The following UBE2L6 variants were observed in gnomAD, a reference collection of about 807,000 sequenced individuals.
UBE2L6 encodes the protein ubiquitin/ISG15-conjugating enzyme E2 L6.
Under a neutral mutation model 13.6 loss-of-function variants are expected in UBE2L6, and 11 were observed. The ratio of observed to expected loss-of-function variants is 0.81; its 90% CI spans 0.51 to 1.34. The LOEUF (loss-of-function observed/expected upper bound fraction) is 1.34, where lower values mean the gene tolerates loss of function less well. Ranked by LOEUF, UBE2L6 falls within the 40% of genes most tolerant of loss-of-function variation. The pLI is 0.00. For synonymous variants in UBE2L6, 74 were observed against 83.2 expected, an observed-to-expected ratio of 0.89 and a Z score of 0.60; for missense variants, 197 against 199.5, an observed-to-expected ratio of 0.99 and a Z score of 0.07.
intron 2 of UBE2L6, among the ~76,000 whole-genome samples, chr11:57,555,116 A>T (rs1361590742): frequency 6.6e-6 from 1 of 152,218 alleles, no homozygotes; most frequent in Non-Finnish European, 1.5e-5. Context: ...TTCTCAAAAG[A>T]TTAGACACAG....
chr11:57,564,849 T>C (rs998594455), intron 1 of UBE2L6, among the ~76,000 whole-genome samples: 1 of 151,956 alleles, frequency 6.6e-6, no homozygotes, highest in Non-Finnish European at 1.5e-5. Flanking sequence ...ACACTGTATT[T>C]ATGGTATATA....
chr11:57,554,348 G>A, intron 3 of UBE2L6, 89 bp downstream of exon 3: 1 of 1,471,198 alleles, frequency 6.8e-7, no homozygotes, highest in Non-Finnish European at 9.2e-7. Context: ...TCTCTTTGGG[G>A]CTTTTCAAGC....
chr11:57,562,071 G>A (rs1240676167), intron 1 of UBE2L6, among the ~76,000 whole-genome samples: 5 of 152,208 alleles, frequency 3.3e-5, no homozygotes, highest in African/African-American at 9.6e-5. Flanking sequence ...TTATCTGGCC[G>A]AACAAGAGGG....
intron 1 of UBE2L6, among the ~76,000 whole-genome samples, chr11:57,562,773 G>A (rs947698364): frequency 1.6e-4 from 25 of 152,230 alleles, no homozygotes; most frequent in Admixed American, 5.2e-4. Context: ...AGTGTTACTA[G>A]GCTTGGAGTG....
intron 1 of UBE2L6, 103 bp from the exon 2 acceptor site, chr11:57,560,535 CT>C: frequency 1.2e-6 from 1 of 805,432 alleles, no homozygotes. Context: ...AACTGGCCAT[CT>C]TAGGGGCAGA....
chr11:57,561,310 C>G (rs1398087678), intron 1 of UBE2L6, among the ~76,000 whole-genome samples: 2 of 152,194 alleles, frequency 1.3e-5, no homozygotes, highest in Non-Finnish European at 2.9e-5. Context: ...GACTCATCTT[C>G]CCAAAACTGT....
Position 57,554,445 on chromosome 11 carries a change from G to A in UBE2L6, c.302C>T (p.Thr101Ile). ...SSENWKPCTK[T>I]CQVLEALNVL... ...GCAAAGCCCAACCCCACCTTGGCAA[G>A]TCTTGGTGCAAGGCTTCCAGTTCTC... The change falls in exon 3 of 4, where the codon ACT becomes ATT. Residue 101 changes from threonine (T) to isoleucine (I), a missense_variant. Coordinates refer to ENST00000287156, the MANE Select transcript of UBE2L6 (RefSeq NM_004223.5). The A allele has an allele frequency of 1.2e-6, 2 of 1,613,738 alleles. No individual in the cohort carries two copies. The highest frequency in any genetic ancestry group is 1.7e-6 in the Non-Finnish European group (2 of 1,179,776).
upstream of UBE2L6, chr11:57,567,749 C>T: frequency 1.0e-6 from 1 of 1,000,906 alleles, no homozygotes; most frequent in Non-Finnish European, 1.4e-6. Flanking sequence ...GCTGCGTGGG[C>T]CTCCCCGCAC....
intron 1 of UBE2L6, among the ~76,000 whole-genome samples, chr11:57,565,008 T>C (rs1160693163): frequency 6.6e-6 from 1 of 151,676 alleles, no homozygotes; most frequent in Admixed American, 6.6e-5. Flanking sequence ...TTTGGGAGGC[T>C]GAGGTGGGTG....
chr11:57,562,045 A>G (rs1159760108), intron 1 of UBE2L6, among the ~76,000 whole-genome samples: 1 of 152,218 alleles, frequency 6.6e-6, no homozygotes, highest in African/African-American at 2.4e-5. Flanking sequence ...ATGCTGATAA[A>G]CATCCTAACA....
rs1022139903 is a variant in UBE2L6 at position 57,558,133 on chromosome 11, C to T, written c.123+2204G>A. Among the ~76,000 whole-genome samples the T allele has an allele frequency of 3.3e-5, 5 of 152,246 alleles. No individual in the cohort carries two copies. In the South Asian group the frequency reaches 8.3e-4, roughly 25 times the overall value. ...TGCTCTTGTCATCCAGGCTGGAGTG[C>T]GATGGCCCAATCTCAGCTCACTACA... is the stretch of plus-strand genomic sequence containing the variant. On this transcript the variant is annotated intron_variant, in intron 2 of 3. Coordinates refer to ENST00000287156, the MANE Select transcript of UBE2L6 (RefSeq NM_004223.5).
rs184820248 is a variant in UBE2L6, at chr11:57,563,716, C to G, written c.28-3284G>C. ...ACCATCCTGGCTAACACGGTGAAACCTCATCTCTACTAAAAATACAAAAAA... is the reference window on the plus strand; with the variant it reads ...ACCATCCTGGCTAACACGGTGAAACGTCATCTCTACTAAAAATACAAAAAA... On this transcript the variant is annotated intron_variant, in intron 1 of 3. Transcript: ENST00000287156. Among the ~76,000 whole-genome samples, 521 of 144,888 alleles carry G rather than the reference C, an allele frequency of 3.6e-3. 3 individuals are homozygous for G. Among genetic ancestry groups the G allele is most frequent in the South Asian group, 0.013 (59 of 4,512 alleles).
chr11:57,567,071 G>A (rs1267376184), intron 1 of UBE2L6: 1 of 455,534 alleles, frequency 2.2e-6, no homozygotes, highest in Non-Finnish European at 4.4e-6. Flanking sequence ...TTCCTCCAGA[G>A]AATACTCAGG....
chr11:57,556,228 G>C (rs535199327), intron 2 of UBE2L6, among the ~76,000 whole-genome samples: 2 of 152,276 alleles, frequency 1.3e-5, no homozygotes. Context: ...CCTCACGTTT[G>C]TAATCCCAGC....
chr11:57,567,514 G>C, intron 1 of UBE2L6, 71 bp downstream of exon 1: 1 of 1,577,000 alleles, frequency 6.3e-7, no homozygotes, highest in Non-Finnish European at 8.6e-7. Flanking sequence ...AGCCGCGGAG[G>C]GGATGGAGGG....
In UBE2L6 at chr11:57,554,614, G is replaced by C; in HGVS notation, c.133C>G (p.Pro45Ala). Residue 45 changes from proline (P) to alanine (A), a missense_variant, in exon 3 of 4, where the codon CCC (proline) becomes GCC (alanine). Physicochemically the swap from Pro to Ala is conservative, Grantham distance 27. Transcript: ENST00000287156. ...WHALLLPDQP[P>A]YHLKAFNLRI... ...AGGTTGAAGGCTTTCAGGTGGTAGG[G>C]AGGTTGGTCCTGTGCAGAGAGAAAA... 2 of 1,614,152 alleles carry C rather than the reference G, an allele frequency of 1.2e-6. No homozygotes were observed. Among genetic ancestry groups the C allele is most frequent in the Non-Finnish European group, 8.5e-7 (1 of 1,180,022 alleles).
chr11:57,561,404 C>T (rs1945045960), intron 1 of UBE2L6, among the ~76,000 whole-genome samples: 1 of 152,128 alleles, frequency 6.6e-6, no homozygotes, highest in Non-Finnish European at 1.5e-5. Context: ...TGAGACAGGA[C>T]CCAGTCCTCA....
chr11:57,552,476 G>A lies in UBE2L6; in HGVS notation c.344C>T (p.Pro115Leu), dbSNP rs544348600. The change falls in exon 4 of 4, where the codon CCG becomes CTG. Residue 115 changes from proline (P) to leucine (L), a missense_variant. Pro to Leu is a moderately conservative substitution (Grantham distance 98, BLOSUM62 -3). Transcript: ENST00000287156. Reference sequence around the variant, plus strand: ...CATCCGCAGGGGCTCCCTGATATTCGGTCTATTCACCAGCACATTGAGGGC... The same window carrying A: ...CATCCGCAGGGGCTCCCTGATATTCAGTCTATTCACCAGCACATTGAGGGC... The part of the protein sequence containing the change: ...LEALNVLVNR[P>L]NIREPLRMDL... The A allele has an allele frequency of 1.2e-5, 20 of 1,614,118 alleles. No individual in the cohort carries two copies. The highest frequency in any genetic ancestry group is 6.6e-5 in the South Asian group (6 of 91,086).
At chr11:57,567,520 GA>G in intron 1 of UBE2L6, 64 bp downstream of exon 1, 1 of 1,584,986 alleles carries the variant, frequency 6.3e-7, no homozygotes, top group East Asian at 2.3e-5. Flanking sequence ...GGAGGGGATG[GA>G]GGGAGGAGGG....
Sources: allele counts gnomAD v4.1 joint callset (sites outside exome capture counted in the v4.1 genomes callset), GRCh38; gene constraint gnomAD v4.1.1; transcripts MANE v1.5; gene names NCBI Gene and HGNC (gene_info 2026-07-23, HGNC 2026-07-21).